Variants in PRKG1 observed in about 807,000 individuals in gnomAD.
The protein encoded by PRKG1 is protein kinase cGMP-dependent 1.
PRKG1 carries 35 observed loss-of-function variants against 88.1 expected under a neutral mutation model. That is an observed-to-expected ratio of 0.40 (90% CI 0.30 to 0.53). The LOEUF (loss-of-function observed/expected upper bound fraction) is 0.53. Ranked by LOEUF, PRKG1 falls within the 20% of genes least tolerant of loss-of-function variation. The pLI is 0.59. For synonymous variants in PRKG1, 303 were observed against 292.5 expected (o/e 1.04, Z -0.37); for missense variants, 540 against 839.8 (o/e 0.64, Z 4.41).
At chr10:52,013,056 C>T (rs903518628) in intron 5 of PRKG1, among the ~76,000 whole-genome samples, 3 of 152,080 alleles carry the variant, frequency 2.0e-5, no homozygotes, top group Non-Finnish European at 4.4e-5. Context: ...AAATAGTAAA[C>T]TCAGGCTGCA....
chr10:51,705,085 T>G (rs750851687), intron 3 of PRKG1, among the ~76,000 whole-genome samples: 16 of 152,202 alleles, frequency 1.1e-4, no homozygotes, highest in Non-Finnish European at 1.3e-4. Context: ...TACCACTCAC[T>G]TTTTATCATA....
chr10:51,644,755 G>T (rs74833263), intron 3 of PRKG1, among the ~76,000 whole-genome samples: 13,447 of 152,042 alleles, frequency 0.088, 792 homozygotes, highest in Admixed American at 0.13. Flanking sequence ...ATTGCTACTG[G>T]GTTGGTTGGC....
chr10:51,390,597 T>C (rs185033322), intron 2 of PRKG1, among the ~76,000 whole-genome samples: 506 of 152,306 alleles, frequency 3.3e-3, no homozygotes, highest in Non-Finnish European at 6.4e-3. Context: ...AACAATTTTC[T>C]TTTTCCTTTA....
intron 2 of PRKG1, among the ~76,000 whole-genome samples, chr10:51,348,301 G>T (rs1842161418): frequency 6.6e-6 from 1 of 152,102 alleles, no homozygotes; most frequent in East Asian, 1.9e-4. Flanking sequence ...GTTAATCAGA[G>T]AAAGATTATA....
intron 2 of PRKG1, among the ~76,000 whole-genome samples, chr10:51,444,236 A>G (rs1273902603): frequency 6.6e-6 from 1 of 151,678 alleles, no homozygotes; most frequent in Non-Finnish European, 1.5e-5. Context: ...GGGCATTTGC[A>G]TGGAGGACTC....
At chr10:51,592,818 C>T (rs1309550012) in intron 3 of PRKG1, among the ~76,000 whole-genome samples, 2 of 152,142 alleles carry the variant, frequency 1.3e-5, no homozygotes, top group Non-Finnish European at 2.9e-5. Flanking sequence ...TTGTATGCTA[C>T]ATCTCATGAA....
At position 52,293,925 on chromosome 10, in the gene PRKG1, C is replaced by A; in HGVS notation, c.*25C>A. On this transcript the variant is annotated 3_prime_UTR_variant, in exon 18 of 18. Coordinates refer to ENST00000373980, the MANE Select transcript of PRKG1 (RefSeq NM_006258.4). ...ATGTATTTCTCTTACCTGCTTCTGC[C>A]TTGCTGAAGACAGCTTTTTCTGAGA... is the stretch of plus-strand genomic sequence containing the variant. The A allele has an allele frequency of 6.4e-7, 1 of 1,572,400 alleles. No individual in the cohort carries two copies. Among genetic ancestry groups the A allele is most frequent in the South Asian group, 1.1e-5 (1 of 88,832 alleles).
chr10:51,699,840 G>C (rs1025746444), intron 3 of PRKG1, among the ~76,000 whole-genome samples: 2 of 152,138 alleles, frequency 1.3e-5, no homozygotes, highest in African/African-American at 2.4e-5. Context: ...GCCCCACTAC[G>C]ACACGCTTGG....
At chr10:51,153,353 T>C in intron 2 of PRKG1, 23 bp downstream of exon 2, 1 of 1,561,266 alleles carries the variant, frequency 6.4e-7, no homozygotes, top group South Asian at 1.2e-5. Context: ...ACTCCAATCC[T>C]CTGACATTCA....
At chr10:51,084,428 A>G (rs1844196490) in intron 1 of PRKG1, among the ~76,000 whole-genome samples, 1 of 152,216 alleles carries the variant, frequency 6.6e-6, no homozygotes, top group Non-Finnish European at 1.5e-5. Context: ...AATTAGTGAC[A>G]ATTTACTACC....
chr10:52,287,327 T>C (rs574672674), intron 14 of PRKG1, among the ~76,000 whole-genome samples: 1 of 152,198 alleles, frequency 6.6e-6, no homozygotes, highest in South Asian at 2.1e-4. Context: ...AGGCAATTAC[T>C]AGCTAATGAC....
At chr10:51,100,455 G>A (rs998611523) in intron 1 of PRKG1, among the ~76,000 whole-genome samples, 2 of 152,116 alleles carry the variant, frequency 1.3e-5, no homozygotes, top group East Asian at 3.9e-4. Context: ...CTGCCGAATT[G>A]CCTGCATTTT....
intron 3 of PRKG1, among the ~76,000 whole-genome samples, chr10:51,705,037 C>G (rs767852616): frequency 6.6e-6 from 1 of 152,160 alleles, no homozygotes; most frequent in Non-Finnish European, 1.5e-5. Flanking sequence ...CTCATTACTT[C>G]TCTCCATCCC....
At chr10:51,556,149 A>T (rs1179762522) in intron 3 of PRKG1, among the ~76,000 whole-genome samples, 2 of 152,032 alleles carry the variant, frequency 1.3e-5, no homozygotes. Context: ...TACAGTAAAG[A>T]AGTTTTTTTC....
intron 5 of PRKG1, among the ~76,000 whole-genome samples, chr10:52,020,328 A>C (rs1022296114): frequency 6.6e-6 from 1 of 152,160 alleles, no homozygotes; most frequent in African/African-American, 2.4e-5. Flanking sequence ...TCCACAGAGC[A>C]TGTCAAAAGT....
intron 3 of PRKG1, among the ~76,000 whole-genome samples, chr10:51,725,341 A>G (rs751813614): frequency 1.5e-4 from 23 of 152,202 alleles, no homozygotes; most frequent in Non-Finnish European, 2.9e-4. Flanking sequence ...GATTTGAATG[A>G]ATTAAAGCTG....
intron 3 of PRKG1, among the ~76,000 whole-genome samples, chr10:51,732,077 T>C (rs1338525787): frequency 1.3e-5 from 2 of 151,188 alleles, no homozygotes; most frequent in African/African-American, 2.4e-5. Context: ...TTGTTTTTGT[T>C]GAAACAGAGT....
intron 5 of PRKG1, among the ~76,000 whole-genome samples, chr10:51,919,305 C>T (rs533929139): frequency 2.3e-4 from 35 of 152,224 alleles, no homozygotes; most frequent in Middle Eastern, 3.4e-3. Flanking sequence ...CAAACCGTGA[C>T]CAACCAAGGC....
chr10:52,159,765 G>A (rs535407547), intron 8 of PRKG1, among the ~76,000 whole-genome samples: 40 of 151,652 alleles, frequency 2.6e-4, no homozygotes, highest in African/African-American at 9.6e-4. Context: ...AAGGAAGACA[G>A]GATTTTTTTA....
Sources: allele counts gnomAD v4.1 joint callset (sites outside exome capture counted in the v4.1 genomes callset), GRCh38; gene constraint gnomAD v4.1.1; transcripts MANE v1.5; gene names NCBI Gene and HGNC (gene_info 2026-07-23, HGNC 2026-07-21).